The following ZNF346 variants were observed in gnomAD, a reference collection of about 807,000 sequenced individuals.
ZNF346 encodes the protein double-stranded RNA-binding zinc finger protein JAZ.
A neutral mutation model predicts 33.7 loss-of-function variants in ZNF346; 23 were observed. That is an observed-to-expected ratio of 0.68 (90% CI 0.49 to 0.97). The LOEUF (loss-of-function observed/expected upper bound fraction) is 0.97. Among genes scored for constraint, ZNF346 ranks in the 50% least tolerant of loss-of-function variants. ZNF346 has a pLI of 0.00. For synonymous variants in ZNF346, 134 were observed against 142.4 expected (o/e 0.94, Z 0.42); for missense variants, 340 against 371.1 (o/e 0.92, Z 0.69).
At chr5:177,026,735 T>A (rs1308865008) in intron 1 of ZNF346, among the ~76,000 whole-genome samples, 3 of 152,198 alleles carry the variant, frequency 2.0e-5, no homozygotes, top group African/African-American at 7.2e-5. Context: ...AAAATATGAT[T>A]TGAAGAGTTT....
At chr5:177,080,679 A>G (rs1301766050) in exon 9 of ZNF346, 1 of 152,308 alleles carries the variant, frequency 6.6e-6, no homozygotes, top group Non-Finnish European at 1.5e-5. Context: ...GTGGTGGCAC[A>G]CACCCGTAAT....
chr5:177,024,442 C>T (rs977525592), intron 1 of ZNF346, among the ~76,000 whole-genome samples: 1 of 152,100 alleles, frequency 6.6e-6, no homozygotes, highest in African/African-American at 2.4e-5. Context: ...AAGTGATCTG[C>T]CCGCCTTGAC....
chr5:177,026,208 T>TCTAC (rs1776744226), intron 1 of ZNF346, among the ~76,000 whole-genome samples: 1 of 151,990 alleles, frequency 6.6e-6, no homozygotes. Flanking sequence ...TTTCACCACG[T>TCTAC]TGGCCAGGCT....
chr5:177,027,516 G>T (rs1776966091), intron 1 of ZNF346, among the ~76,000 whole-genome samples: 1 of 149,788 alleles, frequency 6.7e-6, no homozygotes, highest in African/African-American at 2.5e-5. Flanking sequence ...AACCCAGGAG[G>T]CTAAGGTTGC....
At chr5:177,022,951 C>G (rs1033995556) in intron 1 of ZNF346, 38 bp downstream of exon 1, 3 of 1,445,976 alleles carry the variant, frequency 2.1e-6, no homozygotes, top group Non-Finnish European at 2.7e-6. Flanking sequence ...GCCCCTCGCC[C>G]GCTGCGCGGC....
At chr5:177,037,292 G>A (rs1262762169) in intron 1 of ZNF346, among the ~76,000 whole-genome samples, 1 of 152,048 alleles carries the variant, frequency 6.6e-6, no homozygotes, top group Admixed American at 6.6e-5. Context: ...ATCTACGCTA[G>A]GCAATCTCTT....
chr5:177,044,761 A>G (rs1006893661), intron 4 of ZNF346, among the ~76,000 whole-genome samples: 2 of 152,176 alleles, frequency 1.3e-5, no homozygotes, highest in Non-Finnish European at 2.9e-5. Flanking sequence ...CTATAGGCTG[A>G]GCTTTTGTCC....
In ZNF346 at chr5:177,029,769, T is replaced by C. The variant is rs535125892; in HGVS notation, c.175+6856T>C. Among the ~76,000 whole-genome samples, 16 of 152,276 alleles carry C rather than the reference T, an allele frequency of 1.1e-4. 1 individual carries two copies. The highest frequency in any genetic ancestry group is 2.9e-4 in the African/African-American group (12 of 41,554). ...ACTTCTCCCCTGGTTTTTCCCTGAGTTCTGTGAGCTGCTCTAGCAAATTAA... is the reference window on the plus strand; with the variant it reads ...ACTTCTCCCCTGGTTTTTCCCTGAGCTCTGTGAGCTGCTCTAGCAAATTAA... On this transcript the variant is annotated intron_variant, in intron 1 of 6. Coordinates refer to ENST00000358149, the MANE Select transcript of ZNF346 (RefSeq NM_012279.4).
intron 1 of ZNF346, among the ~76,000 whole-genome samples, chr5:177,038,231 G>A (rs1302273511): frequency 1.3e-5 from 2 of 151,150 alleles, no homozygotes; most frequent in African/African-American, 4.9e-5. Context: ...TAAGACTACA[G>A]GCATGCGCCA....
At chr5:177,061,987 A>G (rs902292942) in intron 5 of ZNF346, 71 bp from the exon 6 acceptor site, 1 of 1,373,100 alleles carries the variant, frequency 7.3e-7, no homozygotes, top group African/African-American at 1.4e-5. Context: ...GCATTTGTAC[A>G]CTCTGAAAAG....
intron 4 of ZNF346, among the ~76,000 whole-genome samples, chr5:177,047,340 G>GT (rs113091804): frequency 0.04 from 5,429 of 137,266 alleles, 264 homozygotes; most frequent in African/African-American, 0.11. Context: ...TTTGTTTTTT[G>GT]TTTTTTTTTT....
chr5:177,050,190 A>G (rs1037671380), intron 4 of ZNF346, among the ~76,000 whole-genome samples: 1 of 152,202 alleles, frequency 6.6e-6, no homozygotes, highest in Non-Finnish European at 1.5e-5. Context: ...ATGTAGCCTA[A>G]AAGGCATCCC....
intron 3 of ZNF346, among the ~76,000 whole-genome samples, chr5:177,043,391 G>T (rs1363138208): frequency 6.6e-6 from 1 of 152,114 alleles, no homozygotes; most frequent in African/African-American, 2.4e-5. Context: ...CAGAGATCAG[G>T]CTTTCTGAGA....
Position 177,066,895 on chromosome 5 carries a change from C to CTATAT in ZNF346, c.*2300_*2301insTTATA, listed in dbSNP as rs1420693354. On this transcript the variant is annotated 3_prime_UTR_variant, in exon 7 of 7. Coordinates refer to ENST00000358149, the MANE Select transcript of ZNF346 (RefSeq NM_012279.4). ...CCAACATGATGGCAAAACCCCGTCC[C>CTATAT]TATAAAAAATACGAAAATCAGCTGC... Among the ~76,000 whole-genome samples, 1 of 152,110 alleles carries CTATAT rather than the reference C, an allele frequency of 6.6e-6. No homozygotes were observed. The highest frequency in any genetic ancestry group is 1.5e-5 in the Non-Finnish European group (1 of 68,022).
At chr5:177,024,808 G>T (rs1417653925) in intron 1 of ZNF346, among the ~76,000 whole-genome samples, 1 of 152,186 alleles carries the variant, frequency 6.6e-6, no homozygotes, top group Non-Finnish European at 1.5e-5. Context: ...TCTGAAAAGT[G>T]AACTGTCTGC....
intron 1 of ZNF346, among the ~76,000 whole-genome samples, chr5:177,037,093 G>A (rs1270683792): frequency 6.6e-6 from 1 of 152,144 alleles, no homozygotes; most frequent in Non-Finnish European, 1.5e-5. Flanking sequence ...GGTTGGTTTT[G>A]TCAGTTTTGT....
In ZNF346 at chr5:177,050,898, A is replaced by G; in HGVS notation, c.665A>G (p.Tyr222Cys). 3 of 1,614,186 alleles carry G rather than the reference A, an allele frequency of 1.9e-6. No individual in the cohort carries two copies. Among genetic ancestry groups the G allele is most frequent in the East Asian group, 2.2e-5 (1 of 44,880 alleles). ...ACCAAGCTCAAACTAATGGCACGCT[A>G]TGGGCGGCTGGCGGACCCTGCTGTC... ...QETKLKLMAR[Y>C]GRLADPAVTD... Residue 222 changes from tyrosine to cysteine, a missense_variant, in exon 5 of 7, where the codon TAT becomes TGT. Physicochemically the swap from Tyr to Cys is radical, Grantham distance 194. Transcript: ENST00000358149.
Position 177,050,768 on chromosome 5 carries a change from G to A in ZNF346, c.535G>A (p.Glu179Lys). 4 of 1,614,194 alleles carry A rather than the reference G, an allele frequency of 2.5e-6. No homozygotes were observed. Among genetic ancestry groups the A allele is most frequent in the Non-Finnish European group, 3.4e-6 (4 of 1,180,042 alleles). The change falls in exon 5 of 7, where the codon GAG becomes AAG. Residue 179 changes from glutamate (E) to lysine (K), a missense_variant. By Grantham distance (56) the Glu-to-Lys change is moderately conservative (BLOSUM62 1). Transcript: ENST00000358149. ...TKVEALHQNR[E>K]MIDPDKFCSL... The stretch of plus-strand genomic sequence containing the variant: ...CACCTTAGCCTTGCACCAGAATAGA[G>A]AGATGATAGACCCAGACAAGTTCTG...
intron 1 of ZNF346, among the ~76,000 whole-genome samples, chr5:177,030,943 G>A (rs1412283538): frequency 2.2e-5 from 3 of 136,146 alleles, no homozygotes; most frequent in South Asian, 4.6e-4. Flanking sequence ...TTTTTGAGAC[G>A]ACATTTTGCT....
Sources: allele counts gnomAD v4.1 joint callset (sites outside exome capture counted in the v4.1 genomes callset), GRCh38; gene constraint gnomAD v4.1.1; transcripts MANE v1.5; gene names NCBI Gene and HGNC (gene_info 2026-07-23, HGNC 2026-07-21).